ELP2: variants seen among roughly 807,000 people sequenced by gnomAD.
The protein encoded by ELP2 is elongator acetyltransferase complex subunit 2, also known as elongator complex protein 2.
A neutral mutation model predicts 119.2 loss-of-function variants in ELP2; 90 were observed. The ratio of observed to expected loss-of-function variants is 0.75; its 90% CI spans 0.64 to 0.90. The LOEUF is 0.90. Among genes scored for constraint, ELP2 ranks in the 40% least tolerant of loss-of-function variants. The pLI is 0.00. For synonymous variants in ELP2, 339 were observed against 331.0 expected (o/e 1.02, Z -0.26); for missense variants, 921 against 967.8 (o/e 0.95, Z 0.64).
At chr18:36,136,210 A>G in intron 2 of ELP2, 97 bp from the exon 3 acceptor site, 1 of 848,478 alleles carries the variant, frequency 1.2e-6, no homozygotes, top group South Asian at 1.4e-5. Flanking sequence ...ATCTAGGTAG[A>G]GGGTACAGGG....
intron 13 of ELP2, among the ~76,000 whole-genome samples, chr18:36,156,923 T>C (rs1382254480): frequency 6.6e-6 from 1 of 152,178 alleles, no homozygotes; most frequent in Non-Finnish European, 1.5e-5. Flanking sequence ...ATCACTGTGT[T>C]AGGTACCTAG....
intron 14 of ELP2, 71 bp from the exon 15 acceptor site, chr18:36,159,664 C>T: frequency 8.8e-7 from 1 of 1,138,354 alleles, no homozygotes; most frequent in Non-Finnish European, 1.3e-6. Context: ...TATGTGGTGG[C>T]CTTAATATTG....
At chr18:36,144,866 A>T in intron 8 of ELP2, 73 bp from the exon 9 acceptor site, 1 of 1,286,420 alleles carries the variant, frequency 7.8e-7, no homozygotes, top group South Asian at 1.2e-5. Context: ...TAATTGCCCA[A>T]CTGTCTTGGT....
At chr18:36,148,500 G>C (rs1415004091) in intron 11 of ELP2, among the ~76,000 whole-genome samples, 1 of 152,116 alleles carries the variant, frequency 6.6e-6, no homozygotes, top group Non-Finnish European at 1.5e-5. Context: ...AGGAAGTTTT[G>C]TCAGAGAAAA....
chr18:36,166,563 C>T (rs995764511), intron 18 of ELP2, among the ~76,000 whole-genome samples: 2 of 151,820 alleles, frequency 1.3e-5, no homozygotes, highest in Admixed American at 1.3e-4. Context: ...AACTCCTGAC[C>T]TCAGGTGATC....
intron 18 of ELP2, 48 bp downstream of exon 18, chr18:36,164,715 C>A: frequency 1.3e-6 from 2 of 1,544,480 alleles, no homozygotes; most frequent in South Asian, 1.1e-5. Flanking sequence ...CAGTTATGTT[C>A]ATTTTATCTA....
chr18:36,142,409 A>G (rs2090062950), intron 7 of ELP2, 62 bp downstream of exon 7: 1 of 1,352,108 alleles, frequency 7.4e-7, no homozygotes, highest in Admixed American at 1.7e-5. Flanking sequence ...CTTCCAAGAA[A>G]GCAGCCTTTT....
In ELP2 at chr18:36,179,717, T is replaced by C. The variant is rs1273785069; in HGVS notation, c.*5076T>C. The C allele has an allele frequency of 6.6e-6, 1 of 152,258 alleles. No homozygotes were observed. The highest frequency in any genetic ancestry group is 2.4e-5 in the African/African-American group (1 of 41,464). The allele number at this position is 152,258 out of a possible 1,614,324, so 9.4% of individuals were successfully genotyped here. A position where few individuals can be genotyped will look rare whatever the true frequency, so the allele number is the denominator to read the frequency against. ...CCTGCTCAGTGGAATAGGGAAATTA[T>C]ATCACCTTTCACTTCCCACTCTCAC... On this transcript the variant is annotated 3_prime_UTR_variant, in exon 22 of 22. Coordinates refer to ENST00000358232, the MANE Select transcript of ELP2 (RefSeq NM_018255.4).
Position 36,179,947 on chromosome 18 carries a change from T to A in ELP2, c.*5306T>A, listed in dbSNP as rs1568042610. 1 of 152,212 alleles carries A rather than the reference T, an allele frequency of 6.6e-6. No individual in the cohort carries two copies. Among genetic ancestry groups the A allele is most frequent in the Non-Finnish European group, 1.5e-5 (1 of 68,036 alleles). The allele number at this position is 152,212 out of a possible 1,614,324, so 9.4% of individuals were successfully genotyped here. A position where few individuals can be genotyped will look rare whatever the true frequency, so the allele number is the denominator to read the frequency against. On this transcript the variant is annotated 3_prime_UTR_variant, in exon 22 of 22. Transcript: ENST00000358232. ...TCTCTAAAAGTGGAGATGAGATTAGTGTATGAGTCTGGCTTCCATTCAACT... is the reference window on the plus strand; with the variant it reads ...TCTCTAAAAGTGGAGATGAGATTAGAGTATGAGTCTGGCTTCCATTCAACT...
chr18:36,174,578 C>T lies in ELP2; in HGVS notation c.2418C>T (p.His806=), dbSNP rs976222214. 3 of 1,614,050 alleles carry T rather than the reference C, an allele frequency of 1.9e-6. No homozygotes were observed. Among genetic ancestry groups the T allele is most frequent in the Non-Finnish European group, 2.5e-6 (3 of 1,180,020 alleles). ...QKEAEGAEWL[H]FASCGEDHTV... is the part of the protein sequence containing the mutation. ...AAGCAGAAGGTGCTGAGTGGTTACA[C>T]TTTGCAAGCTGTGGTGAAGATCACA... is the stretch of plus-strand genomic sequence containing the variant. The change falls in exon 22 of 22, where the codon CAC becomes CAT. Residue 806 remains histidine, a synonymous_variant. Coordinates refer to ENST00000358232, the MANE Select transcript of ELP2 (RefSeq NM_018255.4).
intron 21 of ELP2, among the ~76,000 whole-genome samples, chr18:36,171,862 A>G (rs1317264471): frequency 6.6e-6 from 1 of 152,166 alleles, no homozygotes; most frequent in East Asian, 1.9e-4. Context: ...GACTACAGAC[A>G]CGCACCACCA....
At position 36,178,812 on chromosome 18, in the gene ELP2, TTGTG is replaced by T. The variant is rs1329318894; in HGVS notation, c.*4179_*4182del. On this transcript the variant is annotated 3_prime_UTR_variant, in exon 22 of 22. Coordinates refer to ENST00000358232, the MANE Select transcript of ELP2 (RefSeq NM_018255.4). ...TATGTCTTGGGTTGTTTCATAATGA[TTGTG>T]TGTGTGTCAAGGACTAGATGGGTTT... is the stretch of plus-strand genomic sequence containing the variant. 7 of 152,144 alleles carry T rather than the reference TTGTG, an allele frequency of 4.6e-5. No homozygotes were observed. In the South Asian group the frequency reaches 1.0e-3, roughly 23 times the overall value. 9.4% of individuals were successfully genotyped at this position (152,144 alleles called of 1,614,324 possible).
rs1458177352 is a variant in ELP2 at position 36,171,113 on chromosome 18, A to C, written c.2277A>C (p.Gln759His). 6.2e-7 allele frequency: 1 copy of C among 1,614,186 alleles called. No individual in the cohort carries two copies. Among genetic ancestry groups the C allele is most frequent in the Middle Eastern group, 1.7e-4 (1 of 6,060 alleles). Residue 759 changes from glutamine (Q) to histidine (H), a missense_variant, in exon 21 of 22, where the codon CAA becomes CAC. Gln to His is a conservative substitution (Grantham distance 24). Transcript: ENST00000358232. ...ICLYTWKKTDQVPEINDWTHC... is the reference protein window; with the variant it reads ...ICLYTWKKTDHVPEINDWTHC... ...TATATACCTGGAAAAAGACTGATCA[A>C]GTTCCAGAAATAAATGACTGGACCC...
Position 36,160,020 on chromosome 18 carries a change from G to A in ELP2, c.1688+5G>A, listed in dbSNP as rs1202544495. ...GTGGCCTGAAGTTCAAAAACTGTAA[G>A]TTAAACTGTATTTAGCTCTTTGGTC... On this transcript the variant is annotated splice_donor_5th_base_variant and intron_variant, in intron 16 of 21. Coordinates refer to ENST00000358232, the MANE Select transcript of ELP2 (RefSeq NM_018255.4). The A allele has an allele frequency of 6.2e-7, 1 of 1,613,534 alleles. No homozygotes were observed. The highest frequency in any genetic ancestry group is 2.2e-5 in the East Asian group (1 of 44,858).
chr18:36,178,915 A>C lies in ELP2; in HGVS notation c.*4274A>C, dbSNP rs1263118916. On this transcript the variant is annotated 3_prime_UTR_variant, in exon 22 of 22. Coordinates refer to ENST00000358232, the MANE Select transcript of ELP2 (RefSeq NM_018255.4). Reference sequence around the variant, plus strand: ...CTATTCTAATTTTTTAATATACTTAAAATTTCCTTATAAGAATTGTTTAGA... The same window carrying C: ...CTATTCTAATTTTTTAATATACTTACAATTTCCTTATAAGAATTGTTTAGA... 1.3e-4 allele frequency: 20 copies of C among 152,136 alleles called. No homozygotes were observed. Among genetic ancestry groups the C allele is most frequent in the Admixed American group, 1.3e-3 (20 of 15,270 alleles). 9.4% of individuals were successfully genotyped at this position (152,136 alleles called of 1,614,324 possible).
intron 5 of ELP2, among the ~76,000 whole-genome samples, chr18:36,140,175 T>A (rs2089971856): frequency 6.6e-6 from 1 of 152,006 alleles, no homozygotes; most frequent in Non-Finnish European, 1.5e-5. Flanking sequence ...TTTTTTATTT[T>A]ATTTTTTTGA....
chr18:36,138,495 G>A lies in ELP2; in HGVS notation c.445+69G>A. The stretch of plus-strand genomic sequence containing the variant: ...TAACAAATGAATGACGAGTAGAAGA[G>A]CATATATATAATTCTTTACAACTTT... On this transcript the variant is annotated intron_variant, in intron 4 of 21. Coordinates refer to ENST00000358232, the MANE Select transcript of ELP2 (RefSeq NM_018255.4). The A allele has an allele frequency of 2.0e-6, 3 of 1,491,914 alleles. No individual in the cohort carries two copies. The South Asian group carries it at 3.5e-5, about 17-fold the overall frequency. The allele number at this position is 1,491,914 out of a possible 1,614,324, so 92.4% of individuals were successfully genotyped here.
intron 14 of ELP2, among the ~76,000 whole-genome samples, chr18:36,159,298 A>C (rs2090661367): frequency 1.3e-5 from 2 of 152,038 alleles, no homozygotes; most frequent in South Asian, 4.2e-4. Context: ...TTTTTAGTAG[A>C]GACAGGGTTT....
At chr18:36,146,125 G>A in intron 10 of ELP2, 77 bp downstream of exon 10, 1 of 1,573,688 alleles carries the variant, frequency 6.4e-7, no homozygotes, top group South Asian at 1.1e-5. Flanking sequence ...TATATTGATA[G>A]ACCTGCAAAT....
Sources: gnomAD v4.1 joint callset for allele counts (sites outside exome capture counted in the v4.1 genomes callset) on GRCh38, gnomAD v4.1.1 for gene constraint, MANE v1.5 for transcripts, NCBI Gene and HGNC (gene_info 2026-07-23, HGNC 2026-07-21) for gene names.